Variants in UNC13C observed in about 807,000 individuals in gnomAD.
UNC13C encodes unc-13 homolog C.
In UNC13C, 174 loss-of-function variants were observed where a neutral mutation model predicts 245.4. The observed-to-expected ratio is 0.71, with a 90% CI of 0.63 to 0.80. UNC13C has a LOEUF of 0.80. Among genes scored for constraint, UNC13C ranks in the 30% least tolerant of loss-of-function variants. UNC13C has a pLI of 0.00. For synonymous variants in UNC13C, 992 were observed against 895.1 expected (o/e 1.11, Z -1.93); for missense variants, 2,829 against 2,602.9 (o/e 1.09, Z -1.89).
chr15:54,068,430 C>G (rs1409722494), intron 2 of UNC13C, among the ~76,000 whole-genome samples: 3 of 152,162 alleles, frequency 2.0e-5, no homozygotes, highest in Non-Finnish European at 4.4e-5. Flanking sequence ...AAGCAGCCAC[C>G]TGCTTTTGTA....
intron 4 of UNC13C, among the ~76,000 whole-genome samples, chr15:54,147,822 CTA>C (rs2032345686): frequency 1.7e-5 from 1 of 58,398 alleles, no homozygotes; most frequent in Non-Finnish European, 4.6e-5. Context: ...ATGTGTGTGT[CTA>C]TTCTCTAAGC....
intron 4 of UNC13C, among the ~76,000 whole-genome samples, chr15:54,210,569 T>C (rs760997659): frequency 6.6e-6 from 1 of 152,118 alleles, no homozygotes; most frequent in Non-Finnish European, 1.5e-5. Flanking sequence ...CATTTATGCG[T>C]CATCACATGT....
chr15:54,484,652 G>A (rs1030060973), intron 19 of UNC13C, among the ~76,000 whole-genome samples: 41 of 151,994 alleles, frequency 2.7e-4, no homozygotes, highest in Admixed American at 2.4e-3. Context: ...TATCACTTGG[G>A]CCCATCTCCT....
intron 4 of UNC13C, among the ~76,000 whole-genome samples, chr15:54,190,761 A>G (rs1161779411): frequency 6.6e-6 from 1 of 152,090 alleles, no homozygotes; most frequent in Non-Finnish European, 1.5e-5. Flanking sequence ...TATAATAGAT[A>G]AACTTTGCTT....
intron 4 of UNC13C, among the ~76,000 whole-genome samples, chr15:54,220,671 C>A (rs1024620080): frequency 2.6e-5 from 4 of 151,726 alleles, no homozygotes; most frequent in African/African-American, 9.7e-5. Flanking sequence ...GGTAGCCAAG[C>A]AAATGTTGTG....
At chr15:54,616,234 C>T (rs1213469335) in intron 30 of UNC13C, among the ~76,000 whole-genome samples, 1 of 152,012 alleles carries the variant, frequency 6.6e-6, no homozygotes, top group East Asian at 1.9e-4. Flanking sequence ...AGTTTAAAGT[C>T]CAGAAAGCCA....
intron 19 of UNC13C, among the ~76,000 whole-genome samples, chr15:54,468,219 T>C (rs1892281947): frequency 6.6e-6 from 1 of 151,756 alleles, no homozygotes; most frequent in East Asian, 1.9e-4. Context: ...ATTGAGCATT[T>C]TTCATGTATC....
At chr15:54,599,161 A>G (rs1350001012) in intron 30 of UNC13C, among the ~76,000 whole-genome samples, 2 of 152,066 alleles carry the variant, frequency 1.3e-5, no homozygotes, top group Non-Finnish European at 2.9e-5. Context: ...GGTCACACAT[A>G]TATAGGTAGA....
intron 20 of UNC13C, among the ~76,000 whole-genome samples, chr15:54,498,049 C>A (rs564830691): frequency 9.2e-5 from 14 of 152,006 alleles, no homozygotes; most frequent in African/African-American, 3.4e-4. Context: ...AAAACCAGAC[C>A]CCAACAAACA....
At chr15:54,086,878 G>A (rs1899275096) in intron 2 of UNC13C, among the ~76,000 whole-genome samples, 1 of 151,672 alleles carries the variant, frequency 6.6e-6, no homozygotes, top group East Asian at 1.9e-4. Context: ...TGGGATTACG[G>A]GCACCTGCCA....
At chr15:54,595,100 C>T (rs1388788784) in intron 30 of UNC13C, among the ~76,000 whole-genome samples, 2 of 152,214 alleles carry the variant, frequency 1.3e-5, no homozygotes, top group Non-Finnish European at 2.9e-5. Context: ...TGAGCAAAGG[C>T]ATGTGTCTAA....
chr15:54,428,224 G>A (rs544994859), intron 19 of UNC13C, among the ~76,000 whole-genome samples: 2 of 151,616 alleles, frequency 1.3e-5, no homozygotes, highest in Non-Finnish European at 3.0e-5. Flanking sequence ...ATCAAATCAT[G>A]TCTCTCTTCT....
intron 13 of UNC13C, chr15:54,321,621 A>G (rs896384012): frequency 2.7e-6 from 1 of 364,976 alleles, no homozygotes; most frequent in African/African-American, 2.1e-5. Context: ...CCTCTGATGC[A>G]GAGCTTCTGC....
the UNC13C span, among the ~76,000 whole-genome samples, chr15:53,928,491 G>A: frequency 3.3e-5 from 5 of 152,140 alleles, no homozygotes; most frequent in African/African-American, 7.2e-5. Context: ...TTATGAACAC[G>A]TTACAGTACT....
chr15:54,234,087 T>C (rs12899415), intron 4 of UNC13C, among the ~76,000 whole-genome samples: 55,916 of 151,800 alleles, frequency 0.37, 12,476 homozygotes, highest in African/African-American at 0.63. Context: ...AAAAACTGAA[T>C]ATTATCAAGT....
intron 26 of UNC13C, among the ~76,000 whole-genome samples, chr15:54,536,766 A>C (rs963087527): frequency 6.6e-6 from 1 of 152,006 alleles, no homozygotes; most frequent in African/African-American, 2.4e-5. Context: ...AAAGGCTTTC[A>C]ATAAAATTCA....
chr15:54,383,410 A>G (rs1185826123), intron 17 of UNC13C, among the ~76,000 whole-genome samples: 1 of 152,200 alleles, frequency 6.6e-6, no homozygotes, highest in African/African-American at 2.4e-5. Flanking sequence ...GTGATCTATT[A>G]TGTCAGCAGA....
intron 13 of UNC13C, among the ~76,000 whole-genome samples, chr15:54,309,321 C>A (rs1460352839): frequency 6.6e-6 from 1 of 151,854 alleles, no homozygotes; most frequent in Admixed American, 6.6e-5. Context: ...AATATCTATT[C>A]AGATCCTTTG....
intron 19 of UNC13C, among the ~76,000 whole-genome samples, chr15:54,480,166 T>C (rs1351046452): frequency 1.3e-5 from 2 of 152,096 alleles, no homozygotes; most frequent in African/African-American, 4.8e-5. Context: ...TTGGATTGAA[T>C]CTGTTGGAAG....
Sources: allele counts gnomAD v4.1 joint callset (sites outside exome capture counted in the v4.1 genomes callset), GRCh38; gene constraint gnomAD v4.1.1; transcripts MANE v1.5; gene names NCBI Gene and HGNC (gene_info 2026-07-23, HGNC 2026-07-21).